The following RTKN2 variants were observed in gnomAD, a reference collection of about 807,000 sequenced individuals.
RTKN2 encodes the protein rhotekin-2.
A neutral mutation model predicts 71.5 loss-of-function variants in RTKN2; 69 were observed. That is an observed-to-expected ratio of 0.96 (90% CI 0.79 to 1.18). The LOEUF is 1.18. Ranked by LOEUF, RTKN2 falls within the 50% of genes most tolerant of loss-of-function variation. The pLI is 0.00. For synonymous variants in RTKN2, 236 were observed against 236.5 expected, an observed-to-expected ratio of 1.00 and a Z score of 0.02; for missense variants, 724 against 719.7, an observed-to-expected ratio of 1.01 and a Z score of -0.07.
chr10:62,185,113 A>G (rs146757473), intron 8 of RTKN2, among the ~76,000 whole-genome samples: 1,687 of 152,094 alleles, frequency 0.011, 82 homozygotes, highest in Admixed American at 0.087. Flanking sequence ...TGTTTTCAGT[A>G]CTAACTTTAG....
intron 9 of RTKN2, among the ~76,000 whole-genome samples, chr10:62,208,888 G>A (rs1023199235): frequency 1.2e-4 from 18 of 152,170 alleles, no homozygotes; most frequent in African/African-American, 4.3e-4. Flanking sequence ...CTAGATATAT[G>A]ATATGCTTCT....
chr10:62,186,643 T>C (rs1362693018), intron 8 of RTKN2, among the ~76,000 whole-genome samples: 1 of 152,310 alleles, frequency 6.6e-6, no homozygotes, highest in Non-Finnish European at 1.5e-5. Flanking sequence ...CTCTGTCTTA[T>C]GTATTAAAAG....
chr10:62,242,166 C>T (rs1394786968), intron 3 of RTKN2, among the ~76,000 whole-genome samples: 1 of 151,946 alleles, frequency 6.6e-6, no homozygotes, highest in East Asian at 1.9e-4. Context: ...CTACTGTTAA[C>T]TATTGTACCT....
chr10:62,207,540 T>C (rs1315002581), intron 9 of RTKN2, among the ~76,000 whole-genome samples: 2 of 152,066 alleles, frequency 1.3e-5, no homozygotes, highest in Non-Finnish European at 2.9e-5. Context: ...CAACAATAGT[T>C]CTCACGTCTT....
At position 62,268,670 on chromosome 10, in the gene RTKN2, G is replaced by A. The variant is rs1842913597; in HGVS notation, c.-60C>T. 2.0e-6 allele frequency: 3 copies of A among 1,508,488 alleles called. No individual in the cohort carries two copies. The highest frequency in any genetic ancestry group is 2.4e-5 in the South Asian group (2 of 82,522). The allele number at this position is 1,508,488 out of a possible 1,614,324, so 93.4% of individuals were successfully genotyped here. A position where few individuals can be genotyped will look rare whatever the true frequency, so the allele number is the denominator to read the frequency against. The stretch of plus-strand genomic sequence containing the variant: ...TTCAAAGGGAAGATTTGAAAAGCCC[G>A]CCCCTGGCAGGAGCCGCAGAGGACG... On this transcript the variant is annotated 5_prime_UTR_variant, in exon 1 of 12. Coordinates refer to ENST00000373789, the MANE Select transcript of RTKN2 (RefSeq NM_145307.4).
intron 1 of RTKN2, among the ~76,000 whole-genome samples, chr10:62,266,361 G>C (rs2133118267): frequency 6.6e-6 from 1 of 152,276 alleles, no homozygotes; most frequent in East Asian, 1.9e-4. Context: ...CAGTAATCAA[G>C]ACAGAAACTA....
chr10:62,227,223 A>G (rs1436112267), intron 6 of RTKN2, among the ~76,000 whole-genome samples: 1 of 152,182 alleles, frequency 6.6e-6, no homozygotes, highest in Admixed American at 6.5e-5. Context: ...TCTCTTATAC[A>G]GGAAGAAAAA....
chr10:62,239,331 T>C (rs1299189937), intron 5 of RTKN2: 1 of 178,816 alleles, frequency 5.6e-6, no homozygotes. Flanking sequence ...CATTACAGGA[T>C]ATTCTGTTGT....
chr10:62,218,594 A>G lies in RTKN2; in HGVS notation c.782-293T>C, dbSNP rs145866794. The stretch of plus-strand genomic sequence containing the variant: ...TCTCTTGTTTGATTTTAATTATTCA[A>G]TGAAAGTTGTTCAGAGAATATAAGT... On this transcript the variant is annotated intron_variant, in intron 7 of 11. Coordinates refer to ENST00000373789, the MANE Select transcript of RTKN2 (RefSeq NM_145307.4). Among the ~76,000 whole-genome samples, 6 of 125,378 alleles carry G rather than the reference A, an allele frequency of 4.8e-5. No individual in the cohort carries two copies. The East Asian group carries it at 1.5e-3, about 32-fold the overall frequency. The allele number at this position is 125,378 out of a possible 152,430, so 82.3% of individuals were successfully genotyped here. A position where few individuals can be genotyped will look rare whatever the true frequency, so the allele number is the denominator to read the frequency against.
chr10:62,184,689 G>A (rs1244917284), intron 8 of RTKN2, among the ~76,000 whole-genome samples: 1 of 152,198 alleles, frequency 6.6e-6, no homozygotes, highest in African/African-American at 2.4e-5. Context: ...GATTACCTCT[G>A]AGGAGCCTTC....
chr10:62,210,466 C>CA (rs1234235931), intron 9 of RTKN2, among the ~76,000 whole-genome samples: 1 of 152,042 alleles, frequency 6.6e-6, no homozygotes, highest in Non-Finnish European at 1.5e-5. Context: ...AATACAAACA[C>CA]AAAAACCAAA....
intron 10 of RTKN2, 129 bp from the exon 11 acceptor site, chr10:62,199,990 G>C (rs561159632): frequency 1.7e-6 from 1 of 576,052 alleles, no homozygotes; most frequent in East Asian, 2.8e-5. Flanking sequence ...AAAGCACTGC[G>C]TTAAGGGAGG....
intron 3 of RTKN2, 83 bp downstream of exon 3, chr10:62,245,916 G>A: frequency 1.2e-6 from 1 of 811,678 alleles, no homozygotes; most frequent in Non-Finnish European, 2.0e-6. Flanking sequence ...GAAGAGAATG[G>A]AGACAGGGCA....
chr10:62,196,569 T>C lies in RTKN2; in HGVS notation c.*1339A>G. The C allele has an allele frequency of 1.0e-6, 1 of 985,396 alleles. No individual in the cohort carries two copies. The highest frequency in any genetic ancestry group is 1.2e-6 in the Non-Finnish European group (1 of 829,874). 61.0% of individuals were successfully genotyped at this position (985,396 alleles called of 1,614,324 possible). A position where few individuals can be genotyped will look rare whatever the true frequency, so the allele number is the denominator to read the frequency against. ...TTTTGGTCAAGTGTTCATTTTGTTTTGTAATAATGTAGTTCTGATCCAAAT... is the reference window on the plus strand; with the variant it reads ...TTTTGGTCAAGTGTTCATTTTGTTTCGTAATAATGTAGTTCTGATCCAAAT... On this transcript the variant is annotated 3_prime_UTR_variant, in exon 12 of 12. Coordinates refer to ENST00000373789, the MANE Select transcript of RTKN2 (RefSeq NM_145307.4).
At position 62,205,034 on chromosome 10, in the gene RTKN2, GA is replaced by G. The variant is rs775235343; in HGVS notation, c.1021-13del. 3.8e-6 allele frequency: 6 copies of G among 1,567,150 alleles called. No homozygotes were observed. Among genetic ancestry groups the G allele is most frequent in the Non-Finnish European group, 5.1e-6 (6 of 1,166,650 alleles). ...CGGATTCTGGTTTCCTAAAAATTAA[GA>G]AAAAAATTGGGGTTTTGCATGAGAA... On this transcript the variant is annotated splice_polypyrimidine_tract_variant and intron_variant, in intron 9 of 11. Coordinates refer to ENST00000373789, the MANE Select transcript of RTKN2 (RefSeq NM_145307.4).
intron 9 of RTKN2, among the ~76,000 whole-genome samples, chr10:62,207,988 C>A (rs1841581592): frequency 6.6e-6 from 1 of 152,058 alleles, no homozygotes. Context: ...AGATTATTCA[C>A]TGTGTAATTT....
intron 1 of RTKN2, among the ~76,000 whole-genome samples, chr10:62,263,983 C>T (rs1401938981): frequency 6.6e-6 from 1 of 152,010 alleles, no homozygotes. Context: ...AATTATAAAT[C>T]AAAGGTACTC....
Position 62,241,212 on chromosome 10 carries a change from AAG to A in RTKN2, c.317-19_317-18del. 4.0e-6 allele frequency: 6 copies of A among 1,485,870 alleles called. No individual in the cohort carries two copies. Among genetic ancestry groups the A allele is most frequent in the Non-Finnish European group, 5.6e-6 (6 of 1,073,330 alleles). The allele number at this position is 1,485,870 out of a possible 1,614,324, so 92.0% of individuals were successfully genotyped here. A position where few individuals can be genotyped will look rare whatever the true frequency, so the allele number is the denominator to read the frequency against. ...TTCGAATATCTATAAAGAAGGGAAA[AAG>A]AAATGACAAGTAATAATTTTGGTAA... On this transcript the variant is annotated intron_variant, in intron 3 of 11. Transcript: ENST00000373789.
Position 62,223,218 on chromosome 10 carries a change from A to G in RTKN2, c.781+20T>C, listed in dbSNP as rs780115265. 1 of 1,375,274 alleles carries G rather than the reference A, an allele frequency of 7.3e-7. No individual in the cohort carries two copies. Among genetic ancestry groups the G allele is most frequent in the Non-Finnish European group, 1.0e-6 (1 of 969,232 alleles). The allele number at this position is 1,375,274 out of a possible 1,614,324, so 85.2% of individuals were successfully genotyped here. A position where few individuals can be genotyped will look rare whatever the true frequency, so the allele number is the denominator to read the frequency against. ...TATAGACAGAATATATGTAATAAGTAAAATATATACTGTACTTACCATTTC... is the reference window on the plus strand; with the variant it reads ...TATAGACAGAATATATGTAATAAGTGAAATATATACTGTACTTACCATTTC... On this transcript the variant is annotated intron_variant, in intron 7 of 11. Transcript: ENST00000373789.
Sources: allele counts gnomAD v4.1 joint callset (sites outside exome capture counted in the v4.1 genomes callset), GRCh38; gene constraint gnomAD v4.1.1; transcripts MANE v1.5; gene names NCBI Gene and HGNC (gene_info 2026-07-23, HGNC 2026-07-21).